SYTL2: variants seen among roughly 807,000 people sequenced by gnomAD.
SYTL2 encodes synaptotagmin like 2, also known as synaptotagmin-like protein 2.
Under a neutral mutation model 198.7 loss-of-function variants are expected in SYTL2, and 165 were observed. That is an observed-to-expected ratio of 0.83 (90% confidence interval 0.73 to 0.94). The LOEUF (loss-of-function observed/expected upper bound fraction) is 0.94. SYTL2 is among the 40% of genes least tolerant of loss of function. SYTL2 has a pLI of 0.00. For missense variants in SYTL2, 2,835 were observed against 2,582.8 expected (o/e 1.10, Z -2.12); for synonymous variants, 966 against 917.7 (o/e 1.05, Z -0.95).
chr11:85,702,153 G>A (rs1013347366), intron 16 of SYTL2, among the ~76,000 whole-genome samples: 8 of 151,474 alleles, frequency 5.3e-5, no homozygotes, highest in Non-Finnish European at 7.4e-5. Flanking sequence ...TCTTGGGCCC[G>A]TAAACCTTGG....
chr11:85,809,495 C>A (rs1366931739), intron 1 of SYTL2, among the ~76,000 whole-genome samples: 2 of 152,232 alleles, frequency 1.3e-5, no homozygotes, highest in African/African-American at 4.8e-5. Flanking sequence ...CATTTTTGCT[C>A]TCCTTATTCC....
rs556307406 is a variant in SYTL2, at chr11:85,784,056, T to C, written c.-389-25942A>G. On this transcript the variant is annotated intron_variant, in intron 1 of 19. Transcript: ENST00000359152. ...TTGGCCACAACAACCACGTGCCATGTGCCCATGGCAGGCTTCCTAGTATGA... is the reference window on the plus strand; with the variant it reads ...TTGGCCACAACAACCACGTGCCATGCGCCCATGGCAGGCTTCCTAGTATGA... Among the ~76,000 whole-genome samples the C allele has an allele frequency of 7.2e-5, 11 of 152,334 alleles. No individual in the cohort carries two copies. In the South Asian group the frequency reaches 2.1e-3, roughly 29 times the overall value.
chr11:85,707,427 AC>A lies in SYTL2; in HGVS notation c.6018+1del. 6.2e-7 allele frequency: 1 copy of A among 1,604,238 alleles called. No individual in the cohort carries two copies. Among genetic ancestry groups the A allele is most frequent in the South Asian group, 1.1e-5 (1 of 90,746 alleles). ...TTTCCTATAGAGAGAGTTCATAGATACCCGCAGTATTTCGTTATACACAGGA... is the reference window on the plus strand; with the variant it reads ...TTTCCTATAGAGAGAGTTCATAGATACCGCAGTATTTCGTTATACACAGGA... On this transcript the variant is annotated splice_donor_variant, in intron 15 of 19. Coordinates refer to ENST00000359152, the MANE Select transcript of SYTL2 (RefSeq NM_206927.4). LOFTEE classifies it high-confidence loss of function.
intron 2 of SYTL2, 51 bp downstream of exon 2, chr11:85,757,574 T>C (rs1397241745): frequency 6.3e-7 from 1 of 1,598,590 alleles, no homozygotes; most frequent in Non-Finnish European, 8.5e-7. Flanking sequence ...CCTATTTTCG[T>C]ACAGACTGCC....
intron 1 of SYTL2, among the ~76,000 whole-genome samples, chr11:85,803,448 T>C (rs569305239): frequency 6.6e-6 from 1 of 152,358 alleles, no homozygotes; most frequent in East Asian, 1.9e-4. Context: ...GCTTCATAAC[T>C]GCAGGAATAA....
intron 1 of SYTL2, among the ~76,000 whole-genome samples, chr11:85,802,077 G>C (rs546021953): frequency 6.6e-6 from 1 of 151,926 alleles, no homozygotes; most frequent in Non-Finnish European, 1.5e-5. Context: ...GGCTCCCAAA[G>C]TGCTGGGAAT....
At position 85,695,279 on chromosome 11, in the gene SYTL2, C is replaced by A. The variant is rs1294352655; in HGVS notation, c.6636G>T (p.Trp2212Cys). Residue 2212 changes from tryptophan to cysteine, a missense_variant, in exon 20 of 20, where the codon TGG (tryptophan) becomes TGT (cysteine). Physicochemically the swap from Trp to Cys is radical, Grantham distance 215. This residue lies in a region of SYTL2 where 185 missense variants were observed against 182.1 expected (regional missense o/e 1.02). Transcript: ENST00000359152. ...MDSTSEEVALWEKMVNSPNTW... is the reference protein window; with the variant it reads ...MDSTSEEVALCEKMVNSPNTW... Reference sequence around the variant, plus strand: ...TATTGGGGGAGTTTACCATCTTCTCCCAGAGAGCAACTTCCTCTGAAGTAG... The same window carrying A: ...TATTGGGGGAGTTTACCATCTTCTCACAGAGAGCAACTTCCTCTGAAGTAG... 1 of 1,612,570 alleles carries A rather than the reference C, an allele frequency of 6.2e-7. No individual in the cohort carries two copies. Among genetic ancestry groups the A allele is most frequent in the African/African-American group, 1.3e-5 (1 of 74,888 alleles).
At chr11:85,806,896 G>C (rs1163357553) in intron 1 of SYTL2, among the ~76,000 whole-genome samples, 1 of 152,248 alleles carries the variant, frequency 6.6e-6, no homozygotes, top group Non-Finnish European at 1.5e-5. Flanking sequence ...AGATTGCACA[G>C]ATTGTCTTTG....
rs756361652 is a variant in SYTL2, at chr11:85,695,189, T to A, written c.*6A>T. 2 of 1,609,692 alleles carry A rather than the reference T, an allele frequency of 1.2e-6. No individual in the cohort carries two copies. The highest frequency in any genetic ancestry group is 1.7e-6 in the Non-Finnish European group (2 of 1,177,350). On this transcript the variant is annotated 3_prime_UTR_variant, in exon 20 of 20. Coordinates refer to ENST00000359152, the MANE Select transcript of SYTL2 (RefSeq NM_206927.4). ...TTTTCAGTGGAGGAGCCAGTGGAATTTGGGCTCATTTGGAAATCTTGGCAA... is the reference window on the plus strand; with the variant it reads ...TTTTCAGTGGAGGAGCCAGTGGAATATGGGCTCATTTGGAAATCTTGGCAA...
At chr11:85,735,749 T>C (rs1323872231) in intron 6 of SYTL2, among the ~76,000 whole-genome samples, 1 of 151,146 alleles carries the variant, frequency 6.6e-6, no homozygotes, top group Non-Finnish European at 1.5e-5. Flanking sequence ...AGAGTGGGAC[T>C]CCATGGCCAA....
In SYTL2 at chr11:85,736,586, C is replaced by G; in HGVS notation, c.501G>C (p.Lys167Asn). 6.2e-7 allele frequency: 1 copy of G among 1,602,726 alleles called. No individual in the cohort carries two copies. The highest frequency in any genetic ancestry group is 1.7e-5 in the Admixed American group (1 of 59,480). The change falls in exon 6 of 20, where the codon AAG becomes AAC. Residue 167 changes from lysine to asparagine, a missense_variant. By Grantham distance (94) the Lys-to-Asn change is moderately conservative (BLOSUM62 0). Coordinates refer to ENST00000359152, the MANE Select transcript of SYTL2 (RefSeq NM_206927.4). ...GTTGTGATGAGTGACCTTCTGGCAACTTGGAGCTATTAAACGGATTCTTCC... is the reference window on the plus strand; with the variant it reads ...GTTGTGATGAGTGACCTTCTGGCAAGTTGGAGCTATTAAACGGATTCTTCC... ...KQRKNPFNSS[K>N]LPEGHSSQQT...
At chr11:85,781,261 C>T (rs1041845337) in intron 1 of SYTL2, among the ~76,000 whole-genome samples, 8 of 152,040 alleles carry the variant, frequency 5.3e-5, no homozygotes, top group African/African-American at 1.4e-4. Flanking sequence ...GGGGAAAAAG[C>T]CCCTTATAAA....
the SYTL2 span, among the ~76,000 whole-genome samples, chr11:85,819,586 G>A: frequency 6.6e-6 from 1 of 152,202 alleles, no homozygotes; most frequent in Non-Finnish European, 1.5e-5. Context: ...GCCTCAATGT[G>A]CAAGTGTTTA....
Position 85,734,296 on chromosome 11 carries a change from T to A in SYTL2, c.1033A>T (p.Ser345Cys). The change falls in exon 7 of 20, where the codon AGT (serine) becomes TGT (cysteine). Residue 345 changes from serine (S) to cysteine (C), a missense_variant. Around this residue, in one of 3 missense-constraint regions of SYTL2, gnomAD observed 2,645 missense variants for 2,381.7 expected, o/e 1.11. Transcript: ENST00000359152. ...TCCCGACCATGGATTAGCCCAGGAC[T>A]CTGTGGAAGCTCATCCTTCACTGCA... Reference protein sequence around the residue: ...FSAVKDELPQSPGLIHGREVG... With the variant: ...FSAVKDELPQCPGLIHGREVG... 1 of 1,614,180 alleles carries A rather than the reference T, an allele frequency of 6.2e-7. No individual in the cohort carries two copies.
intron 10 of SYTL2, 41 bp downstream of exon 10, chr11:85,718,749 T>C (rs2153449423): frequency 6.3e-7 from 1 of 1,596,532 alleles, no homozygotes; most frequent in East Asian, 2.2e-5. Context: ...ACCCCAGAAG[T>C]TAATACAAAG....
chr11:85,779,809 G>A (rs1418373335), intron 1 of SYTL2, among the ~76,000 whole-genome samples: 8 of 152,192 alleles, frequency 5.3e-5, no homozygotes, highest in Admixed American at 5.2e-4. Flanking sequence ...CATACTGTGT[G>A]AGAAGACTTG....
chr11:85,720,953 T>C lies in SYTL2; in HGVS notation c.5333A>G (p.Glu1778Gly). 2 of 1,609,692 alleles carry C rather than the reference T, an allele frequency of 1.2e-6. No individual in the cohort carries two copies. The highest frequency in any genetic ancestry group is 1.7e-6 in the Non-Finnish European group (2 of 1,176,434). Residue 1778 changes from glutamate (E) to glycine (G), a missense_variant, in exon 9 of 20, where the codon GAA becomes GGA. Transcript: ENST00000359152. ...AESWRNPSSS[E>G]EEPSPVLKTL... is the part of the protein sequence containing the mutation. ...TTTCAAAACAGGACTGGGTTCTTCTTCTGAACCTGTTATAAAACAAAATCG... is the reference window on the plus strand; with the variant it reads ...TTTCAAAACAGGACTGGGTTCTTCTCCTGAACCTGTTATAAAACAAAATCG...
intron 1 of SYTL2, among the ~76,000 whole-genome samples, chr11:85,796,481 G>C (rs2092805913): frequency 6.6e-6 from 1 of 152,186 alleles, no homozygotes; most frequent in African/African-American, 2.4e-5. Flanking sequence ...ATTCTGATAA[G>C]TGATATTTTT....
intron 1 of SYTL2, among the ~76,000 whole-genome samples, chr11:85,770,931 C>T (rs1444212317): frequency 1.3e-5 from 2 of 152,220 alleles, no homozygotes. Flanking sequence ...CCCTATTATA[C>T]AAGTTACTTA....
Sources: allele counts gnomAD v4.1 joint callset (sites outside exome capture counted in the v4.1 genomes callset), GRCh38; gene constraint gnomAD v4.1.1; regional missense constraint gnomAD v4.1.1; transcripts MANE v1.5; gene names NCBI Gene and HGNC (gene_info 2026-07-23, HGNC 2026-07-21).